LCT: variants seen among roughly 807,000 people sequenced by gnomAD.
The protein encoded by LCT is lactase, also known as lactase/phlorizin hydrolase.
A neutral mutation model predicts 173.0 loss-of-function variants in LCT; 90 were observed. That is an observed-to-expected ratio of 0.52 (90% CI 0.44 to 0.62). LCT has a LOEUF of 0.62. Ranked by LOEUF, LCT falls within the 20% of genes least tolerant of loss-of-function variation. The probability of loss-of-function intolerance (pLI) is 0.00; values close to 1 mark genes in which losing one functional copy is unlikely to be tolerated. For missense variants in LCT, 1,864 were observed against 2,431.4 expected, an observed-to-expected ratio of 0.77 and a Z score of 4.91; for synonymous variants, 853 against 957.6, an observed-to-expected ratio of 0.89 and a Z score of 2.02.
intron 3 of LCT, among the ~76,000 whole-genome samples, chr2:135,825,325 C>T (rs2077879617): frequency 6.6e-6 from 1 of 152,196 alleles, no homozygotes; most frequent in South Asian, 2.1e-4. Flanking sequence ...GCTCGAGAGG[C>T]CGAGCGGGTT....
chr2:135,813,340 G>T (rs1473607843), intron 6 of LCT, among the ~76,000 whole-genome samples: 1 of 152,092 alleles, frequency 6.6e-6, no homozygotes, highest in Non-Finnish European at 1.5e-5. Context: ...GCATCAACAA[G>T]TGAACACCAA....
chr2:135,793,208 C>A (rs977275542), intron 14 of LCT, among the ~76,000 whole-genome samples: 1 of 152,228 alleles, frequency 6.6e-6, no homozygotes, highest in African/African-American at 2.4e-5. Context: ...AGGACCCTCA[C>A]AGAATCCACT....
chr2:135,799,489 T>C (rs2077607955), intron 12 of LCT, among the ~76,000 whole-genome samples: 1 of 152,092 alleles, frequency 6.6e-6, no homozygotes, highest in Non-Finnish European at 1.5e-5. Flanking sequence ...CTTTTTTTTT[T>C]TTTTTGGAGA....
At chr2:135,800,868 G>C in intron 11 of LCT, 59 bp from the exon 12 acceptor site, 4 of 1,330,430 alleles carry the variant, frequency 3.0e-6, no homozygotes, top group Non-Finnish European at 4.3e-6. Flanking sequence ...GACTGAGATT[G>C]TTAGTCCCTG....
At position 135,789,596 on chromosome 2, in the gene LCT, C is replaced by A; in HGVS notation, c.5538G>T (p.Gly1846=). The part of the protein sequence containing the change: ...RCNGFPDPAT[G]PHACLHQPDA... ...CTGGCTGGTGGAGACAAGCGTGAGG[C>A]CCTGTAGCGGGGTCAGGGAAGCCAT... Residue 1846 remains glycine, a synonymous_variant, in exon 16 of 17, where the codon GGG becomes GGT. Coordinates refer to ENST00000264162, the MANE Select transcript of LCT (RefSeq NM_002299.4). 6.2e-7 allele frequency: 1 copy of A among 1,613,874 alleles called. No homozygotes were observed. The highest frequency in any genetic ancestry group is 1.1e-5 in the South Asian group (1 of 91,074).
At chr2:135,821,342 C>A (rs899109964) in intron 5 of LCT, among the ~76,000 whole-genome samples, 8 of 152,206 alleles carry the variant, frequency 5.3e-5, no homozygotes, top group African/African-American at 1.9e-4. Flanking sequence ...CCTGTCTATG[C>A]TGTCTCCTTC....
chr2:135,828,485 G>A (rs1250897448), intron 3 of LCT, among the ~76,000 whole-genome samples: 1 of 152,208 alleles, frequency 6.6e-6, no homozygotes, highest in Non-Finnish European at 1.5e-5. Flanking sequence ...CAAACCTGAA[G>A]AGGCAGGGGG....
intron 12 of LCT, among the ~76,000 whole-genome samples, chr2:135,800,217 T>C (rs1045593446): frequency 6.6e-6 from 1 of 152,096 alleles, no homozygotes; most frequent in African/African-American, 2.4e-5. Flanking sequence ...ATAGCAAAAC[T>C]AGGCTTAGAT....
chr2:135,815,357 A>G (rs1312665749), intron 6 of LCT, among the ~76,000 whole-genome samples: 1 of 152,150 alleles, frequency 6.6e-6, no homozygotes, highest in East Asian at 1.9e-4. Context: ...GCCTAAGAAG[A>G]AAAGGTTTAG....
intron 13 of LCT, among the ~76,000 whole-genome samples, chr2:135,796,828 C>T (rs1014883973): frequency 4.6e-5 from 7 of 152,110 alleles, no homozygotes; most frequent in African/African-American, 1.4e-4. Context: ...ATGGGCCGGG[C>T]GCTCATCGGT....
At chr2:135,827,875 AG>A (rs1289531056) in intron 3 of LCT, among the ~76,000 whole-genome samples, 4 of 152,198 alleles carry the variant, frequency 2.6e-5, no homozygotes, top group African/African-American at 9.6e-5. Flanking sequence ...AGATAACAAA[AG>A]CAGCAGTGTC....
At chr2:135,829,543 C>A in intron 3 of LCT, 50 bp downstream of exon 3, 2 of 1,363,508 alleles carry the variant, frequency 1.5e-6, no homozygotes, top group Admixed American at 1.7e-5. Context: ...AATCTGCTCT[C>A]TGAAACCTTC....
intron 6 of LCT, among the ~76,000 whole-genome samples, chr2:135,816,868 A>G (rs2077784538): frequency 8.4e-6 from 1 of 118,908 alleles, no homozygotes; most frequent in South Asian, 2.4e-4. Context: ...AAGGTGATTA[A>G]CAATTTTTTT....
In LCT at chr2:135,804,957, G is replaced by C. The variant is rs964897479; in HGVS notation, c.4274C>G (p.Ala1425Gly). The change falls in exon 10 of 17, where the codon GCC becomes GGC. Residue 1425 changes from alanine (A) to glycine (G), a missense_variant. Around this residue, in one of 4 missense-constraint regions of LCT, gnomAD observed 514 missense variants for 750.1 expected, o/e 0.69. Transcript: ENST00000264162. ...AGCAATCTTGTGATAACTGTCACAG[G>C]CCACGTCTCCAATGGCATCGTTCTC... is the stretch of plus-strand genomic sequence containing the variant. ...RVENDAIGDVACDSYHKIAED... is the reference protein window; with the variant it reads ...RVENDAIGDVGCDSYHKIAED... 4 of 1,614,078 alleles carry C rather than the reference G, an allele frequency of 2.5e-6. No homozygotes were observed. The African/African-American group carries it at 5.3e-5, about 22-fold the overall frequency.
rs565336365 is a variant in LCT at position 135,817,966 on chromosome 2, C to T, written c.1082G>A (p.Arg361Lys). The change falls in exon 6 of 17, where the codon AGA becomes AAA. Residue 361 changes from arginine to lysine, a missense_variant. By Grantham distance (26) the Arg-to-Lys change is conservative. Around this residue, in one of 4 missense-constraint regions of LCT, gnomAD observed 412 missense variants for 462.0 expected, o/e 0.89. Coordinates refer to ENST00000264162, the MANE Select transcript of LCT (RefSeq NM_002299.4). Reference sequence around the variant, plus strand: ...CTGATTGGCAAATGCTTCCCAGATTCTCTGATAGGCAGAGGCAGGAGAGGA... The same window carrying T: ...CTGATTGGCAAATGCTTCCCAGATTTTCTGATAGGCAGAGGCAGGAGAGGA... ...TDSSPASAYQ[R>K]IWEAFANQSR... The T allele has an allele frequency of 2.4e-5, 38 of 1,613,874 alleles. No individual in the cohort carries two copies. In the African/African-American group the frequency reaches 4.9e-4, roughly 21 times the overall value.
Position 135,812,761 on chromosome 2 carries a change from CG to C in LCT, c.1902del (p.Val635SerfsTer11), listed in dbSNP as rs1558739625. ...GCTGGGTAGTCTCCATCCACAAAGA[CG>C]GGGTGTGCAAACCAGCCCAGCATGA... The part of the protein sequence containing the change: ...LHFMLGWFAH[P>X]VFVDGDYPAT... On this transcript the variant is annotated frameshift_variant, in exon 7 of 17. Transcript: ENST00000264162. LOFTEE classifies it high-confidence loss of function. 6.2e-7 allele frequency: 1 copy of C among 1,614,178 alleles called. No individual in the cohort carries two copies. Among genetic ancestry groups the C allele is most frequent in the South Asian group, 1.1e-5 (1 of 91,088 alleles).
rs781005554 is a variant in LCT at position 135,822,102 on chromosome 2, TAAGAG to T, written c.908-9_908-5del. On this transcript the variant is annotated splice_region_variant and splice_polypyrimidine_tract_variant and intron_variant, in intron 4 of 16. Transcript: ENST00000264162. ...AGCACTTGGTCTTTATTTATGGCTG[TAAGAG>T]AAGAAATTGAATTAACTCTATGTAA... The T allele has an allele frequency of 1.8e-5, 28 of 1,554,260 alleles. No homozygotes were observed. The highest frequency in any genetic ancestry group is 2.3e-5 in the Non-Finnish European group (26 of 1,125,508).
At position 135,787,988 on chromosome 2, in the gene LCT, C is replaced by T; in HGVS notation, c.*336G>A. The T allele has an allele frequency of 3.0e-6, 1 of 331,034 alleles. No homozygotes were observed. The highest frequency in any genetic ancestry group is 5.7e-6 in the Non-Finnish European group (1 of 174,132). 20.5% of individuals were successfully genotyped at this position (331,034 alleles called of 1,614,324 possible). ...AGGAAGGATTTTTACGGTTTTTGCT[C>T]CCTTAACAACCCTTAACAACTCTGA... is the stretch of plus-strand genomic sequence containing the variant. On this transcript the variant is annotated 3_prime_UTR_variant, in exon 17 of 17. Transcript: ENST00000264162.
chr2:135,821,951 A>G (rs1413431881), intron 5 of LCT, 69 bp downstream of exon 5: 3 of 932,458 alleles, frequency 3.2e-6, no homozygotes, highest in African/African-American at 3.2e-5. Context: ...ATAAGATTAT[A>G]CATGTAAAAG....
Sources: gnomAD v4.1 joint callset for allele counts (sites outside exome capture counted in the v4.1 genomes callset) on GRCh38, gnomAD v4.1.1 for gene constraint, gnomAD v4.1.1 regional missense constraint, MANE v1.5 for transcripts, NCBI Gene and HGNC (gene_info 2026-07-23, HGNC 2026-07-21) for gene names.